The following ARHGDIA variants were observed in gnomAD, a reference collection of about 807,000 sequenced individuals.
The protein encoded by ARHGDIA is Rho GDP dissociation inhibitor alpha.
ARHGDIA carries 9 observed loss-of-function variants against 25.0 expected under a neutral mutation model. The ratio of observed to expected loss-of-function variants is 0.36; its 90% CI spans 0.22 to 0.63. The LOEUF is 0.63. Among genes scored for constraint, ARHGDIA ranks in the 20% least tolerant of loss-of-function variants. The pLI is 0.69. For synonymous variants in ARHGDIA, 166 were observed against 111.5 expected (o/e 1.49, Z -3.08); for missense variants, 239 against 264.3 (o/e 0.90, Z 0.66).
intron 1 of ARHGDIA, chr17:81,870,399 T>G (rs2039255739): frequency 6.1e-6 from 1 of 163,122 alleles, no homozygotes; most frequent in Non-Finnish European, 1.3e-5. Context: ...GGTAGTCACA[T>G]GTAAACGTGT....
At chr17:81,869,262 G>A (rs747030110) in intron 4 of ARHGDIA, 26 bp from the exon 5 acceptor site, 3 of 1,614,124 alleles carry the variant, frequency 1.9e-6, no homozygotes, top group Non-Finnish European at 2.5e-6. Flanking sequence ...CGAGGATCAG[G>A]GAAGGTCGGT....
rs2039138837 is a variant in ARHGDIA, at chr17:81,868,626, T to C, written c.*250A>G. ...GGGCAGCAGAGGCCTGGCTGCGGCC[T>C]CTCTCCCCCACAGCACAGGCAGAAG... On this transcript the variant is annotated 3_prime_UTR_variant, in exon 6 of 6. Coordinates refer to ENST00000269321, the MANE Select transcript of ARHGDIA (RefSeq NM_004309.6). 1 of 1,535,156 alleles carries C rather than the reference T, an allele frequency of 6.5e-7. No individual in the cohort carries two copies. The highest frequency in any genetic ancestry group is 8.7e-7 in the Non-Finnish European group (1 of 1,146,670).
Position 81,868,361 on chromosome 17 carries a change from C to T in ARHGDIA, c.*515G>A. 1.4e-6 allele frequency: 2 copies of T among 1,436,524 alleles called. No individual in the cohort carries two copies. Among genetic ancestry groups the T allele is most frequent in the Non-Finnish European group, 1.8e-6 (2 of 1,098,402 alleles). The allele number at this position is 1,436,524 out of a possible 1,614,324, so 89.0% of individuals were successfully genotyped here. On this transcript the variant is annotated 3_prime_UTR_variant, in exon 6 of 6. Transcript: ENST00000269321. ...TAGTGAGGCCCCACGGTACACTCCA[C>T]ATGTTAAGGCATCATGGTTAGACGG...
chr17:81,868,672 G>C lies in ARHGDIA; in HGVS notation c.*204C>G, dbSNP rs3809896. 2.1e-4 allele frequency: 329 copies of C among 1,534,822 alleles called. 4 individuals carry two copies. In the East Asian group the frequency reaches 8.0e-3, roughly 37 times the overall value. On this transcript the variant is annotated 3_prime_UTR_variant, in exon 6 of 6. Coordinates refer to ENST00000269321, the MANE Select transcript of ARHGDIA (RefSeq NM_004309.6). ...AGAAGCAGCAACGAGACAGGAGACC[G>C]AGGAGGCTGGGCCTGTGGGTGGGGG...
chr17:81,870,090 G>T, intron 1 of ARHGDIA, 133 bp from the exon 2 acceptor site: 2 of 850,356 alleles, frequency 2.4e-6, no homozygotes, highest in Non-Finnish European at 3.6e-6. Flanking sequence ...CCACCCCCGC[G>T]ATTCCTGCTC....
chr17:81,868,832 C>G lies in ARHGDIA; in HGVS notation c.*44G>C. On this transcript the variant is annotated 3_prime_UTR_variant, in exon 6 of 6. Transcript: ENST00000269321. ...GGCTGGGGGGGACACATCCGCCTGTCCGTCGTCCGTCCGTCAGTCTGCCCT... is the reference window on the plus strand; with the variant it reads ...GGCTGGGGGGGACACATCCGCCTGTGCGTCGTCCGTCCGTCAGTCTGCCCT... 7 of 1,612,160 alleles carry G rather than the reference C, an allele frequency of 4.3e-6. No homozygotes were observed. Among genetic ancestry groups the G allele is most frequent in the Non-Finnish European group, 5.9e-6 (7 of 1,179,710 alleles).
intron 3 of ARHGDIA, 68 bp from the exon 4 acceptor site, chr17:81,869,474 C>A (rs1336001591): frequency 1.2e-6 from 2 of 1,609,414 alleles, no homozygotes; most frequent in African/African-American, 1.4e-5. Context: ...CCTGCGCGGC[C>A]CCCTGGCTGC....
rs1264066235 is a variant in ARHGDIA, at chr17:81,869,328, A to C, written c.351+2T>G. Reference sequence around the variant, plus strand: ...CCCTGGCCACAGCAGCCTGTAGCTTACCCGGAAAGAGATTTTTATCCGGTA... The same window carrying C: ...CCCTGGCCACAGCAGCCTGTAGCTTCCCCGGAAAGAGATTTTTATCCGGTA... On this transcript the variant is annotated splice_donor_variant, in intron 4 of 5. Transcript: ENST00000269321. LOFTEE classifies it high-confidence loss of function. 1 of 1,614,030 alleles carries C rather than the reference A, an allele frequency of 6.2e-7. No homozygotes were observed. The highest frequency in any genetic ancestry group is 8.5e-7 in the Non-Finnish European group (1 of 1,179,992).
At position 81,868,443 on chromosome 17, in the gene ARHGDIA, C is replaced by A. The variant is rs2039122951; in HGVS notation, c.*433G>T. Reference sequence around the variant, plus strand: ...GCAGCGGGGCTGGAGGACGGCCCGGCCCCCACGAGGCCGTGCATCCCACAC... The same window carrying A: ...GCAGCGGGGCTGGAGGACGGCCCGGACCCCACGAGGCCGTGCATCCCACAC... On this transcript the variant is annotated 3_prime_UTR_variant, in exon 6 of 6. Transcript: ENST00000269321. The A allele has an allele frequency of 2.0e-6, 3 of 1,476,424 alleles. No homozygotes were observed. Among genetic ancestry groups the A allele is most frequent in the Non-Finnish European group, 2.7e-6 (3 of 1,116,726 alleles). 91.5% of individuals were successfully genotyped at this position (1,476,424 alleles called of 1,614,324 possible). A position where few individuals can be genotyped will look rare whatever the true frequency, so the allele number is the denominator to read the frequency against.
At position 81,868,090 on chromosome 17, in the gene ARHGDIA, G is replaced by A. The variant is rs1429462882; in HGVS notation, c.*786C>T. On this transcript the variant is annotated 3_prime_UTR_variant, in exon 6 of 6. Coordinates refer to ENST00000269321, the MANE Select transcript of ARHGDIA (RefSeq NM_004309.6). Reference sequence around the variant, plus strand: ...GGCACTGCCCGCTGAGACAGAAAAGGCAGAGGCAGGACAATACCCAGCCTC... The same window carrying A: ...GGCACTGCCCGCTGAGACAGAAAAGACAGAGGCAGGACAATACCCAGCCTC... 2.8e-6 allele frequency: 1 copy of A among 361,114 alleles called. No individual in the cohort carries two copies. Among genetic ancestry groups the A allele is most frequent in the Non-Finnish European group, 5.0e-6 (1 of 199,820 alleles). The allele number at this position is 361,114 out of a possible 1,614,324, so 22.4% of individuals were successfully genotyped here. A position where few individuals can be genotyped will look rare whatever the true frequency, so the allele number is the denominator to read the frequency against.
rs1006356104 is a variant in ARHGDIA at position 81,868,205 on chromosome 17, G to T, written c.*671C>A. On this transcript the variant is annotated 3_prime_UTR_variant, in exon 6 of 6. Transcript: ENST00000269321. ...TCCACAGCCCTGTCCAGGGAAGGGG[G>T]CAGGCTGGCCAGGCACTGGTGGGCT... 1 of 726,868 alleles carries T rather than the reference G, an allele frequency of 1.4e-6. No individual in the cohort carries two copies. The highest frequency in any genetic ancestry group is 2.8e-5 in the East Asian group (1 of 35,324). The allele number at this position is 726,868 out of a possible 1,614,324, so 45.0% of individuals were successfully genotyped here.
At chr17:81,869,677 C>CTG in intron 2 of ARHGDIA, 52 bp from the exon 3 acceptor site, 1 of 1,547,554 alleles carries the variant, frequency 6.5e-7, no homozygotes, top group East Asian at 2.3e-5. Context: ...GAAGTAGGGG[C>CTG]TGGGGAGCGG....
Position 81,868,862 on chromosome 17 carries a change from G to A in ARHGDIA, c.*14C>T, listed in dbSNP as rs754757370. 7.4e-6 allele frequency: 12 copies of A among 1,613,044 alleles called. No individual in the cohort carries two copies. Among genetic ancestry groups the A allele is most frequent in the East Asian group, 2.2e-5 (1 of 44,880 alleles). ...GTCCGTCCGTCAGTCTGCCCTGCCC[G>A]CCTCTGGCTGGGCTCAGTCCTTCCA... is the stretch of plus-strand genomic sequence containing the variant. On this transcript the variant is annotated 3_prime_UTR_variant, in exon 6 of 6. Coordinates refer to ENST00000269321, the MANE Select transcript of ARHGDIA (RefSeq NM_004309.6).
intron 1 of ARHGDIA, chr17:81,870,869 G>A (rs1450682523): frequency 6.6e-6 from 1 of 151,826 alleles, no homozygotes; most frequent in Admixed American, 6.6e-5. Context: ...GGGAGGCCGC[G>A]CCCCAATCCC....
chr17:81,868,818 A>G lies in ARHGDIA; in HGVS notation c.*58T>C, dbSNP rs750057679. The G allele has an allele frequency of 3.1e-6, 5 of 1,605,746 alleles. No individual in the cohort carries two copies. The highest frequency in any genetic ancestry group is 2.2e-5 in the South Asian group (2 of 90,020). ...ATGGGGAGGGGAGGGGCTGGGGGGG[A>G]CACATCCGCCTGTCCGTCGTCCGTC... On this transcript the variant is annotated 3_prime_UTR_variant, in exon 6 of 6. Coordinates refer to ENST00000269321, the MANE Select transcript of ARHGDIA (RefSeq NM_004309.6).
At chr17:81,871,126 G>C (rs1249923780) in intron 1 of ARHGDIA, among the ~76,000 whole-genome samples, 172 bp downstream of exon 1, 2 of 143,864 alleles carry the variant, frequency 1.4e-5, no homozygotes, top group Non-Finnish European at 3.1e-5. Context: ...CACCGCCCTG[G>C]CCCGCTGTCA....
At position 81,869,029 on chromosome 17, in the gene ARHGDIA, C is replaced by G. The variant is rs1323944677; in HGVS notation, c.462G>C (p.Glu154Asp). ...CCACGGGGGTCAGGAACTCGTACTC[C>G]TCGGCCCGGGGCCCATAGCTGCCTA... ...YMVGSYGPRAEEYEFLTPVEE... is the reference protein window; with the variant it reads ...YMVGSYGPRADEYEFLTPVEE... The change falls in exon 6 of 6, where the codon GAG (glutamate) becomes GAC (aspartate). Residue 154 changes from glutamate to aspartate, a missense_variant. Transcript: ENST00000269321. 3.7e-6 allele frequency: 6 copies of G among 1,613,514 alleles called. No individual in the cohort carries two copies. Among genetic ancestry groups the G allele is most frequent in the Non-Finnish European group, 5.1e-6 (6 of 1,179,944 alleles).
Position 81,869,778 on chromosome 17 carries a change from G to A in ARHGDIA, c.153C>T (p.Tyr51=), listed in dbSNP as rs11546988. 12 of 1,613,942 alleles carry A rather than the reference G, an allele frequency of 7.4e-6. No individual in the cohort carries two copies. Among genetic ancestry groups the A allele is most frequent in the Admixed American group, 1.7e-5 (1 of 60,022 alleles). ...LDKDDESLRK[Y]KEALLGRVAV... is the part of the protein sequence containing the mutation. ...CCACGCGGCCCAGCAGGGCCTCCTTGTACTTTCGCAGGCTCTCGTCGTCCT... is the reference window on the plus strand; with the variant it reads ...CCACGCGGCCCAGCAGGGCCTCCTTATACTTTCGCAGGCTCTCGTCGTCCT... Residue 51 remains tyrosine (Y), a synonymous_variant, in exon 2 of 6, where the codon TAC becomes TAT. Transcript: ENST00000269321.
Position 81,868,895 on chromosome 17 carries a change from T to C in ARHGDIA, c.596A>G (p.Lys199Arg), listed in dbSNP as rs2039163170. Residue 199 changes from lysine (K) to arginine (R), a missense_variant, in exon 6 of 6, where the codon AAG (lysine) becomes AGG (arginine). Physicochemically the swap from Lys to Arg is conservative, Grantham distance 26. Around this residue, in one of 3 missense-constraint regions of ARHGDIA, gnomAD observed 29 missense variants for 22.0 expected, o/e 1.32. Coordinates refer to ENST00000269321, the MANE Select transcript of ARHGDIA (RefSeq NM_004309.6). ...CTGGGCTCAGTCCTTCCAGTCCTTC[T>C]TGATGGTGAGATTCCACTCCCAGGA... The part of the protein sequence containing the change: ...HLSWEWNLTI[K>R]KDWKD 2.5e-6 allele frequency: 4 copies of C among 1,613,488 alleles called. No homozygotes were observed. The highest frequency in any genetic ancestry group is 2.7e-5 in the African/African-American group (2 of 74,840).
Sources: allele counts gnomAD v4.1 joint callset (sites outside exome capture counted in the v4.1 genomes callset), GRCh38; gene constraint gnomAD v4.1.1; regional missense constraint gnomAD v4.1.1; transcripts MANE v1.5; gene names NCBI Gene and HGNC (gene_info 2026-07-23, HGNC 2026-07-21).